HEATR3: variants seen among roughly 807,000 people sequenced by gnomAD.
The protein encoded by HEATR3 is HEAT repeat containing 3.
A neutral mutation model predicts 72.8 loss-of-function variants in HEATR3; 56 were observed. The ratio of observed to expected loss-of-function variants is 0.77; its 90% CI spans 0.62 to 0.96. HEATR3 has a LOEUF of 0.96. HEATR3 is among the 40% of genes least tolerant of loss of function. The pLI is 0.00. For synonymous variants in HEATR3, 331 were observed against 318.1 expected, an observed-to-expected ratio of 1.04 and a Z score of -0.43; for missense variants, 747 against 831.4, an observed-to-expected ratio of 0.90 and a Z score of 1.25.
At position 50,102,538 on chromosome 16, in the gene HEATR3, A is replaced by C. The variant is rs556320546; in HGVS notation, c.1920+103A>C. ...CAACTCAGAAGCATGTGCATGACGA[A>C]TCCCCATATGTAGCACAGCATCCCC... On this transcript the variant is annotated intron_variant, in intron 14 of 14. Transcript: ENST00000299192. The C allele has an allele frequency of 2.9e-5, 28 of 979,268 alleles. No individual in the cohort carries two copies. In the Admixed American group the frequency reaches 5.5e-4, roughly 19 times the overall value. The allele number at this position is 979,268 out of a possible 1,614,324, so 60.7% of individuals were successfully genotyped here.
chr16:50,094,871 T>C, intron 12 of HEATR3, 78 bp downstream of exon 12: 1 of 725,380 alleles, frequency 1.4e-6, no homozygotes, highest in Non-Finnish European at 2.3e-6. Flanking sequence ...CTTCACTATT[T>C]TAAAAAATAC....
intron 3 of HEATR3, chr16:50,069,233 C>G (rs1222475475): frequency 6.1e-6 from 1 of 164,338 alleles, no homozygotes; most frequent in Admixed American, 5.8e-5. Context: ...AGGTATTATT[C>G]CCATTTTACA....
chr16:50,086,476 A>G, intron 11 of HEATR3, 125 bp downstream of exon 11: 4 of 1,057,180 alleles, frequency 3.8e-6, no homozygotes, highest in Non-Finnish European at 4.0e-6. Context: ...AGACACAGGA[A>G]TCATGTATTT....
At chr16:50,102,614 A>G (rs1257133582) in intron 14 of HEATR3, among the ~76,000 whole-genome samples, 179 bp downstream of exon 14, 5 of 152,172 alleles carry the variant, frequency 3.3e-5, no homozygotes, top group Admixed American at 2.6e-4. Flanking sequence ...CAGTGTGACT[A>G]CTGAATCATT....
chr16:50,076,865 AT>A (rs756365677), intron 6 of HEATR3, among the ~76,000 whole-genome samples: 112 of 106,368 alleles, frequency 1.1e-3, no homozygotes, highest in African/African-American at 1.1e-3. Context: ...ACACCTGGCT[AT>A]TTTTTTTTTT....
chr16:50,099,341 A>G (rs901771955), intron 12 of HEATR3, among the ~76,000 whole-genome samples: 2 of 152,218 alleles, frequency 1.3e-5, no homozygotes, highest in Admixed American at 1.3e-4. Flanking sequence ...GCAGTGGCTC[A>G]TACTAATAAT....
chr16:50,074,258 ATAAATT>A (rs1241404887), intron 5 of HEATR3: 1 of 152,182 alleles, frequency 6.6e-6, no homozygotes, highest in African/African-American at 2.4e-5. Flanking sequence ...GAAGGTCATG[ATAAATT>A]TAAAGGAAGC....
intron 14 of HEATR3, among the ~76,000 whole-genome samples, chr16:50,103,449 A>G (rs1054411235): frequency 4.6e-5 from 7 of 152,192 alleles, no homozygotes; most frequent in Non-Finnish European, 1.0e-4. Context: ...TTCAGTGTAT[A>G]TTTAGCTGCA....
intron 11 of HEATR3, among the ~76,000 whole-genome samples, chr16:50,090,474 T>C (rs1337108998): frequency 6.6e-6 from 1 of 152,216 alleles, no homozygotes; most frequent in Non-Finnish European, 1.5e-5. Flanking sequence ...TTAATTTTAA[T>C]GCTAAATACA....
intron 12 of HEATR3, among the ~76,000 whole-genome samples, chr16:50,095,402 C>A (rs959973537): frequency 1.1e-5 from 1 of 92,824 alleles, no homozygotes; most frequent in Non-Finnish European, 2.1e-5. Flanking sequence ...CCACCGTACC[C>A]AGCTTTTTTT....
chr16:50,083,799 T>G (rs1006648524), intron 7 of HEATR3, 138 bp from the exon 8 acceptor site: 3 of 669,892 alleles, frequency 4.5e-6, no homozygotes, highest in Admixed American at 2.9e-5. Context: ...TTCATGACTT[T>G]TCTTTTACCT....
In HEATR3 at chr16:50,085,651, A is replaced by G. The variant is rs959163524; in HGVS notation, c.1374-564A>G. Among the ~76,000 whole-genome samples, 43 of 151,588 alleles carry G rather than the reference A, an allele frequency of 2.8e-4. 1 individual carries two copies. The highest frequency in any genetic ancestry group is 8.8e-5 in the Non-Finnish European group (6 of 67,930). On this transcript the variant is annotated intron_variant, in intron 10 of 14. Transcript: ENST00000299192. ...CCTGTCTGAAGAAAATTATAATTTT[A>G]AGGATGCTACCCTACATAGAAATTT... is the stretch of plus-strand genomic sequence containing the variant.
At chr16:50,083,819 C>CAA in intron 7 of HEATR3, 118 bp from the exon 8 acceptor site, 1 of 766,140 alleles carries the variant, frequency 1.3e-6, no homozygotes, top group Non-Finnish European at 2.1e-6. Context: ...TACCCCATTC[C>CAA]CCGTGTGCTC....
chr16:50,084,733 T>TC (rs2036950799), intron 10 of HEATR3, 82 bp downstream of exon 10: 1 of 1,054,508 alleles, frequency 9.5e-7, no homozygotes, highest in Admixed American at 2.1e-5. Context: ...AGGTGCTGAC[T>TC]CCCCCTAGGA....
At chr16:50,068,960 C>T in intron 3 of HEATR3, 93 bp downstream of exon 3, 2 of 811,796 alleles carry the variant, frequency 2.5e-6, no homozygotes, top group Non-Finnish European at 4.1e-6. Context: ...TGTCTTCTAT[C>T]TAAACATCTT....
In HEATR3 at chr16:50,078,935, G is replaced by A; in HGVS notation, c.958G>A (p.Asp320Asn). The part of the protein sequence containing the change: ...EEILENTNGD[D>N]LIEDDEMEGI... ...AATATTAGAGAACACTAATGGGGAT[G>A]ATTTGATTGAAGATGATGAAATGGA... The change falls in exon 7 of 15, where the codon GAT becomes AAT. Residue 320 changes from aspartate to asparagine, a missense_variant. Physicochemically the swap from Asp to Asn is conservative, Grantham distance 23 (BLOSUM62 1). Around this residue, in one of 2 missense-constraint regions of HEATR3, gnomAD observed 586 missense variants for 708.8 expected, o/e 0.83. Coordinates refer to ENST00000299192, the MANE Select transcript of HEATR3 (RefSeq NM_182922.4). 1 of 1,614,004 alleles carries A rather than the reference G, an allele frequency of 6.2e-7. No individual in the cohort carries two copies. Among genetic ancestry groups the A allele is most frequent in the East Asian group, 2.2e-5 (1 of 44,862 alleles).
chr16:50,082,258 G>A (rs771895479), intron 7 of HEATR3, among the ~76,000 whole-genome samples: 4 of 152,036 alleles, frequency 2.6e-5, no homozygotes, highest in African/African-American at 9.7e-5. Flanking sequence ...CATGAGAATC[G>A]CTTGAACCCA....
intron 11 of HEATR3, among the ~76,000 whole-genome samples, chr16:50,094,420 T>A (rs952134879): frequency 6.6e-6 from 1 of 152,168 alleles, no homozygotes; most frequent in Admixed American, 6.5e-5. Flanking sequence ...TGTGCTGAAG[T>A]GTGAGTCAAA....
At chr16:50,079,159 T>G in intron 7 of HEATR3, 141 bp downstream of exon 7, 1 of 765,560 alleles carries the variant, frequency 1.3e-6, no homozygotes, top group Non-Finnish European at 2.1e-6. Flanking sequence ...TATTTTCCTG[T>G]TGATTCTCTT....
Sources: allele counts gnomAD v4.1 joint callset (sites outside exome capture counted in the v4.1 genomes callset), GRCh38; gene constraint gnomAD v4.1.1; regional missense constraint gnomAD v4.1.1; transcripts MANE v1.5; gene names NCBI Gene and HGNC (gene_info 2026-07-23, HGNC 2026-07-21).